The following SNAPC3 variants were observed in gnomAD, a reference collection of about 807,000 sequenced individuals.
SNAPC3 encodes the protein snRNA-activating protein complex subunit 3.
In SNAPC3, 56 loss-of-function variants were observed where a neutral mutation model predicts 47.7. The observed-to-expected ratio is 1.18, with a 90% CI of 0.95 to 1.47. SNAPC3 has a LOEUF of 1.47. Ranked by LOEUF, SNAPC3 falls within the 40% of genes most tolerant of loss-of-function variation. SNAPC3 has a pLI of 0.00. For missense variants in SNAPC3, 665 were observed against 511.3 expected, an observed-to-expected ratio of 1.30 and a Z score of -2.90; for synonymous variants, 235 against 189.9, an observed-to-expected ratio of 1.24 and a Z score of -1.95.
chr9:15,433,856 G>C, intron 3 of SNAPC3: 1 of 370,142 alleles, frequency 2.7e-6, no homozygotes, highest in Non-Finnish European at 4.8e-6. Flanking sequence ...CTTTATTCTT[G>C]TTTGGTTTTA....
At chr9:15,454,929 A>T (rs1312727111) in intron 7 of SNAPC3, among the ~76,000 whole-genome samples, 1 of 152,178 alleles carries the variant, frequency 6.6e-6, no homozygotes, top group African/African-American at 2.4e-5. Flanking sequence ...GCAAGACTCC[A>T]TATCAAAAAA....
intron 5 of SNAPC3, among the ~76,000 whole-genome samples, chr9:15,449,563 A>ATATATAT (rs1481688749): frequency 1.3e-4 from 5 of 39,520 alleles, no homozygotes; most frequent in African/African-American, 5.3e-4. Context: ...ATATATATAT[A>ATATATAT]TTTTTTTTTT....
chr9:15,430,179 T>A lies in SNAPC3; in HGVS notation c.393-3373T>A, dbSNP rs552280460. Among the ~76,000 whole-genome samples the A allele has an allele frequency of 7.2e-5, 11 of 152,328 alleles. No individual in the cohort carries two copies. The South Asian group carries it at 2.3e-3, about 32-fold the overall frequency. On this transcript the variant is annotated intron_variant, in intron 2 of 8. Transcript: ENST00000380821. ...CGTGCAGTGGCTCATGCCTGTACTC[T>A]CAACACTTGGGGAGGCCAAGATGGA...
In SNAPC3 at chr9:15,459,944, C is replaced by A; in HGVS notation, c.*78C>A. 7.6e-7 allele frequency: 1 copy of A among 1,313,078 alleles called. No homozygotes were observed. Among genetic ancestry groups the A allele is most frequent in the Non-Finnish European group, 1.1e-6 (1 of 944,512 alleles). 81.3% of individuals were successfully genotyped at this position (1,313,078 alleles called of 1,614,324 possible). A position where few individuals can be genotyped will look rare whatever the true frequency, so the allele number is the denominator to read the frequency against. On this transcript the variant is annotated 3_prime_UTR_variant, in exon 9 of 9. Coordinates refer to ENST00000380821, the MANE Select transcript of SNAPC3 (RefSeq NM_001039697.2). ...TGGTTACCTTATTTCTAAGAAACGC[C>A]ACTGAGGAACAGGATCCACTTTGAA...
chr9:15,458,107 C>A (rs200368715), intron 8 of SNAPC3, 40 bp downstream of exon 8: 3 of 1,053,868 alleles, frequency 2.8e-6, no homozygotes, highest in Admixed American at 2.6e-5. Flanking sequence ...TGAGAAATGG[C>A]AGTTTTGACT....
chr9:15,442,044 G>A (rs2033447286), intron 3 of SNAPC3, among the ~76,000 whole-genome samples: 1 of 151,570 alleles, frequency 6.6e-6, no homozygotes, highest in Admixed American at 6.6e-5. Context: ...CCTGGATGGG[G>A]CAGCTGGCCA....
chr9:15,464,506 G>A (rs1425874438), downstream of SNAPC3: 1 of 200,300 alleles, frequency 5.0e-6, no homozygotes, highest in African/African-American at 2.3e-5. Context: ...ACTTATCAAA[G>A]TACAATGCTG....
chr9:15,431,153 C>A (rs889789152), intron 2 of SNAPC3, among the ~76,000 whole-genome samples: 2 of 152,168 alleles, frequency 1.3e-5, no homozygotes, highest in Non-Finnish European at 2.9e-5. Flanking sequence ...GTCTGAAGCA[C>A]CCCGCGCCCA....
intron 3 of SNAPC3, among the ~76,000 whole-genome samples, chr9:15,437,995 T>C (rs1401707269): frequency 1.3e-5 from 2 of 152,186 alleles, no homozygotes; most frequent in Admixed American, 6.5e-5. Context: ...GCTGGCCTCA[T>C]AGAATGTGTT....
chr9:15,459,584 A>T, intron 8 of SNAPC3, 135 bp from the exon 9 acceptor site: 1 of 659,656 alleles, frequency 1.5e-6, no homozygotes, highest in Non-Finnish European at 2.6e-6. Context: ...ATACAAAATT[A>T]AGGGATTATT....
At chr9:15,432,009 C>T (rs1391262118) in intron 2 of SNAPC3, 1 of 146,860 alleles carries the variant, frequency 6.8e-6, no homozygotes, top group Non-Finnish European at 1.5e-5. Flanking sequence ...AAAAGCGTAT[C>T]TTGATATAAT....
intron 2 of SNAPC3, among the ~76,000 whole-genome samples, chr9:15,432,458 G>A (rs900120358): frequency 4.6e-5 from 7 of 152,044 alleles, no homozygotes; most frequent in African/African-American, 7.3e-5. Flanking sequence ...GGTTGATTCC[G>A]GGGACGAGAC....
intron 2 of SNAPC3, among the ~76,000 whole-genome samples, chr9:15,428,370 G>A (rs567200451): frequency 6.6e-6 from 1 of 151,852 alleles, no homozygotes; most frequent in African/African-American, 2.4e-5. Context: ...CTAGCCGGTC[G>A]TGGTGGCGGG....
chr9:15,447,777 GCACCCATTCTT>G (rs2034061689), intron 5 of SNAPC3, among the ~76,000 whole-genome samples: 1 of 152,156 alleles, frequency 6.6e-6, no homozygotes, highest in Admixed American at 6.5e-5. Flanking sequence ...CAAATAGTTA[GCACCCATTCTT>G]CACCTTTCGC....
intron 3 of SNAPC3, among the ~76,000 whole-genome samples, chr9:15,438,630 G>A (rs924264499): frequency 1.3e-5 from 2 of 152,068 alleles, no homozygotes; most frequent in African/African-American, 4.8e-5. Context: ...TTCCTATGCT[G>A]TGATTTTTGT....
chr9:15,428,000 A>T (rs951426059), intron 2 of SNAPC3, among the ~76,000 whole-genome samples: 1 of 151,330 alleles, frequency 6.6e-6, no homozygotes, highest in Non-Finnish European at 1.5e-5. Flanking sequence ...AGTCCCAGCT[A>T]CTCGGGAGGC....
intron 7 of SNAPC3, among the ~76,000 whole-genome samples, chr9:15,454,929 A>C (rs1312727111): frequency 6.6e-6 from 1 of 152,178 alleles, no homozygotes; most frequent in Non-Finnish European, 1.5e-5. Flanking sequence ...GCAAGACTCC[A>C]TATCAAAAAA....
chr9:15,429,833 T>G (rs953669910), intron 2 of SNAPC3, among the ~76,000 whole-genome samples: 1 of 152,144 alleles, frequency 6.6e-6, no homozygotes, highest in East Asian at 1.9e-4. Context: ...AACAAAAATC[T>G]TGGGATGACA....
chr9:15,449,854 T>A (rs1417227280), intron 5 of SNAPC3, among the ~76,000 whole-genome samples: 2 of 151,876 alleles, frequency 1.3e-5, no homozygotes, highest in Non-Finnish European at 2.9e-5. Flanking sequence ...ACCAGGCCAG[T>A]CAGGGAAGTT....
Sources: allele counts gnomAD v4.1 joint callset (sites outside exome capture counted in the v4.1 genomes callset), GRCh38; gene constraint gnomAD v4.1.1; transcripts MANE v1.5; gene names NCBI Gene and HGNC (gene_info 2026-07-23, HGNC 2026-07-21).